PPME1: variants seen among roughly 807,000 people sequenced by gnomAD.
PPME1 encodes the protein protein phosphatase methylesterase 1.
In PPME1, 17 loss-of-function variants were observed where a neutral mutation model predicts 56.9. The ratio of observed to expected loss-of-function variants is 0.30; its 90% CI spans 0.20 to 0.45. PPME1 has a LOEUF of 0.45. Among genes scored for constraint, PPME1 ranks in the 20% least tolerant of loss-of-function variants. The probability of loss-of-function intolerance (pLI) is 1.00; values close to 1 mark genes in which losing one functional copy is unlikely to be tolerated. For synonymous variants in PPME1, 122 were observed against 156.2 expected (o/e 0.78, Z 1.63); for missense variants, 357 against 483.2 (o/e 0.74, Z 2.45).
chr11:74,172,893 C>T (rs1167615139), intron 1 of PPME1, among the ~76,000 whole-genome samples: 2 of 152,074 alleles, frequency 1.3e-5, no homozygotes, highest in Middle Eastern at 3.4e-3. Flanking sequence ...AAAAACTTAT[C>T]AAAAAGGAGG....
At chr11:74,176,423 C>A (rs898260353) in intron 1 of PPME1, among the ~76,000 whole-genome samples, 2 of 151,700 alleles carry the variant, frequency 1.3e-5, no homozygotes, top group African/African-American at 4.8e-5. Flanking sequence ...AATCAAATCC[C>A]AGTATTTCTG....
At chr11:74,226,660 G>C (rs990781996) in intron 5 of PPME1, among the ~76,000 whole-genome samples, 2 of 152,170 alleles carry the variant, frequency 1.3e-5, no homozygotes, top group Non-Finnish European at 2.9e-5. Flanking sequence ...ACAAATTGAT[G>C]ATGATAGCTT....
intron 1 of PPME1, among the ~76,000 whole-genome samples, chr11:74,189,404 C>G (rs946581712): frequency 6.6e-6 from 1 of 152,168 alleles, no homozygotes; most frequent in South Asian, 2.1e-4. Context: ...GTTCTTCCAC[C>G]TCATCCTCCT....
intron 5 of PPME1, among the ~76,000 whole-genome samples, chr11:74,229,826 C>T (rs1286143439): frequency 6.6e-6 from 1 of 152,130 alleles, no homozygotes; most frequent in Admixed American, 6.5e-5. Context: ...TCTTGTGATT[C>T]TGAGGTTTAC....
intron 9 of PPME1, among the ~76,000 whole-genome samples, chr11:74,242,615 T>A (rs1292971004): frequency 6.6e-6 from 1 of 152,086 alleles, no homozygotes; most frequent in Non-Finnish European, 1.5e-5. Flanking sequence ...GTGCAGTGGC[T>A]CATGTCTGTA....
chr11:74,190,895 AAG>A (rs1857818795), intron 1 of PPME1, among the ~76,000 whole-genome samples: 1 of 152,220 alleles, frequency 6.6e-6, no homozygotes, highest in South Asian at 2.1e-4. Context: ...TGCCCTAGCA[AAG>A]AGTTTGCCTG....
chr11:74,232,757 G>A lies in PPME1; in HGVS notation c.644+1755G>A, dbSNP rs549393624. On this transcript the variant is annotated intron_variant, in intron 7 of 13. Transcript: ENST00000328257. ...CAGTGGCATGATTACAGCTCTCACCGCAGCCTTGACCTTCTGGGCTCAAGC... is the reference window on the plus strand; with the variant it reads ...CAGTGGCATGATTACAGCTCTCACCACAGCCTTGACCTTCTGGGCTCAAGC... Among the ~76,000 whole-genome samples the A allele has an allele frequency of 6.1e-5, 9 of 147,814 alleles. No homozygotes were observed. The South Asian group carries it at 6.4e-4, about 11-fold the overall frequency.
chr11:74,176,262 T>A (rs989012286), intron 1 of PPME1, among the ~76,000 whole-genome samples: 1 of 152,226 alleles, frequency 6.6e-6, no homozygotes, highest in Non-Finnish European at 1.5e-5. Flanking sequence ...TGTTTATTCA[T>A]ATCTGATTAG....
chr11:74,176,858 G>A (rs1420039208), intron 1 of PPME1, among the ~76,000 whole-genome samples: 1 of 150,754 alleles, frequency 6.6e-6, no homozygotes, highest in Admixed American at 6.7e-5. Flanking sequence ...AGCCTCCCAA[G>A]TAGCTGGGAT....
At chr11:74,183,815 A>T (rs1298738530) in intron 1 of PPME1, among the ~76,000 whole-genome samples, 1 of 152,068 alleles carries the variant, frequency 6.6e-6, no homozygotes, top group African/African-American at 2.4e-5. Context: ...CTCCTTTTGT[A>T]TGTTATTTAC....
intron 3 of PPME1, among the ~76,000 whole-genome samples, chr11:74,209,216 C>T (rs1255849665): frequency 6.6e-6 from 1 of 152,108 alleles, no homozygotes; most frequent in Non-Finnish European, 1.5e-5. Flanking sequence ...AAGTGATCTT[C>T]CCACTTCAGC....
At chr11:74,252,412 T>C in intron 13 of PPME1, 1 of 454,596 alleles carries the variant, frequency 2.2e-6, no homozygotes. Context: ...CAGGGTTTTC[T>C]ACAGTGTTGC....
chr11:74,249,023 G>A (rs1372898751), intron 11 of PPME1: 1 of 152,136 alleles, frequency 6.6e-6, no homozygotes, highest in Non-Finnish European at 1.5e-5. Flanking sequence ...AAGTTTAAAT[G>A]AAAAAAATGC....
intron 8 of PPME1, among the ~76,000 whole-genome samples, chr11:74,237,062 C>A (rs1210543449): frequency 6.7e-6 from 1 of 149,366 alleles, no homozygotes; most frequent in African/African-American, 2.4e-5. Context: ...CAATTTATTT[C>A]TTGAGGAAAC....
intron 3 of PPME1, among the ~76,000 whole-genome samples, chr11:74,212,674 G>C (rs1858511187): frequency 6.6e-6 from 1 of 151,932 alleles, no homozygotes; most frequent in Admixed American, 6.6e-5. Context: ...GCTATAGTAG[G>C]ATAAGGCACC....
chr11:74,217,541 C>CAAAAAAAAAAAAAA (rs61139169), intron 3 of PPME1, among the ~76,000 whole-genome samples: 1 of 79,034 alleles, frequency 1.3e-5, no homozygotes, highest in Non-Finnish European at 2.4e-5. Context: ...GACTCCGTCT[C>CAAAAAAAAAAAAAA]AAAAAAAAAA....
intron 1 of PPME1, among the ~76,000 whole-genome samples, chr11:74,198,193 A>G (rs1858042848): frequency 6.6e-6 from 1 of 152,206 alleles, no homozygotes; most frequent in Non-Finnish European, 1.5e-5. Flanking sequence ...GCTGTCAATC[A>G]TCTTTCATAT....
At chr11:74,217,631 A>G (rs1200027106) in intron 3 of PPME1, among the ~76,000 whole-genome samples, 2 of 152,030 alleles carry the variant, frequency 1.3e-5, no homozygotes, top group Non-Finnish European at 2.9e-5. Flanking sequence ...CAGCATATGC[A>G]AATCAATCAG....
chr11:74,214,074 T>G (rs1348453630), intron 3 of PPME1, among the ~76,000 whole-genome samples: 1 of 152,124 alleles, frequency 6.6e-6, no homozygotes, highest in East Asian at 1.9e-4. Context: ...TTGAGGAAAT[T>G]CAACAAAATT....
Sources: allele counts gnomAD v4.1 joint callset (sites outside exome capture counted in the v4.1 genomes callset), GRCh38; gene constraint gnomAD v4.1.1; transcripts MANE v1.5; gene names NCBI Gene and HGNC (gene_info 2026-07-23, HGNC 2026-07-21).